PALLD: variants seen among roughly 807,000 people sequenced by gnomAD.
PALLD encodes the protein palladin.
A neutral mutation model predicts 123.5 loss-of-function variants in PALLD; 61 were observed. That is an observed-to-expected ratio of 0.49 (90% CI 0.40 to 0.61). The LOEUF (loss-of-function observed/expected upper bound fraction) is 0.61. PALLD is among the 20% of genes least tolerant of loss of function. The pLI, the probability that PALLD is intolerant of heterozygous loss-of-function variation, is 0.00. For synonymous variants in PALLD, 465 were observed against 496.4 expected, an observed-to-expected ratio of 0.94 and a Z score of 0.84; for missense variants, 1,273 against 1,377.0, an observed-to-expected ratio of 0.92 and a Z score of 1.20.
At position 168,511,996 on chromosome 4, in the gene PALLD, C is replaced by T. The variant is rs371888811; in HGVS notation, c.492C>T (p.Pro164=). Residue 164 remains proline (P), a synonymous_variant, in exon 2 of 22, where the codon CCC becomes CCT. Transcript: ENST00000505667. ...CGCCACATCAAAGAAAGGGTGGCCCCCAGAGCCAGCTGTGTGACAAGGCAG... is the reference window on the plus strand; with the variant it reads ...CGCCACATCAAAGAAAGGGTGGCCCTCAGAGCCAGCTGTGTGACAAGGCAG... ...PKTPHQRKGG[P]QSQLCDKAAN... The T allele has an allele frequency of 8.7e-6, 14 of 1,614,058 alleles. No homozygotes were observed. The highest frequency in any genetic ancestry group is 1.2e-5 in the Non-Finnish European group (14 of 1,180,044).
chr4:168,778,233 T>C (rs191783563), intron 10 of PALLD, among the ~76,000 whole-genome samples: 9 of 152,306 alleles, frequency 5.9e-5, no homozygotes, highest in Admixed American at 5.2e-4. Context: ...AGGATCTTTT[T>C]GTTTCTAGCT....
At chr4:168,594,177 C>T (rs1771742330) in intron 2 of PALLD, among the ~76,000 whole-genome samples, 1 of 151,730 alleles carries the variant, frequency 6.6e-6, no homozygotes, top group African/African-American at 2.4e-5. Context: ...GGAAAAAAAT[C>T]AAAATGAAAT....
chr4:168,878,167 AC>A (rs1290650163), intron 10 of PALLD: 2 of 852,484 alleles, frequency 2.3e-6, no homozygotes, highest in South Asian at 1.8e-5. Flanking sequence ...CGCCCCCGCC[AC>A]CCCCGGTCTT....
intron 10 of PALLD, among the ~76,000 whole-genome samples, chr4:168,730,686 T>A (rs948979520): frequency 6.6e-6 from 1 of 152,116 alleles, no homozygotes; most frequent in Non-Finnish European, 1.5e-5. Context: ...GTTAATCAGT[T>A]TCTCTAGAAA....
chr4:168,553,094 T>A (rs1478766084), intron 2 of PALLD, among the ~76,000 whole-genome samples: 1 of 152,150 alleles, frequency 6.6e-6, no homozygotes, highest in Non-Finnish European at 1.5e-5. Context: ...CATTGGCCCA[T>A]TTTAAAGATG....
At chr4:168,854,737 A>T (rs1395540233) in intron 10 of PALLD, among the ~76,000 whole-genome samples, 4 of 152,194 alleles carry the variant, frequency 2.6e-5, no homozygotes. Context: ...GAGTGCTATT[A>T]AAAAAGGACG....
chr4:168,620,403 T>G (rs954524345), intron 2 of PALLD, among the ~76,000 whole-genome samples: 2 of 152,114 alleles, frequency 1.3e-5, no homozygotes. Context: ...TGCAGTGAGC[T>G]GAGATCGCAC....
intron 10 of PALLD, among the ~76,000 whole-genome samples, chr4:168,738,516 C>T (rs1327815281): frequency 6.6e-6 from 1 of 151,220 alleles, no homozygotes; most frequent in Non-Finnish European, 1.5e-5. Context: ...CTGCAACCTC[C>T]GTCTCCCAGG....
intron 1 of PALLD, chr4:168,507,315 A>T (rs989766358): frequency 3.4e-5 from 6 of 177,812 alleles, no homozygotes; most frequent in Non-Finnish European, 2.4e-5. Flanking sequence ...CCTTTCTATC[A>T]TCTATCTTAT....
In PALLD at chr4:168,668,124, T is replaced by C. The variant is rs1055933037; in HGVS notation, c.909-66T>C. The C allele has an allele frequency of 2.4e-5, 31 of 1,296,982 alleles. No homozygotes were observed. In the African/African-American group the frequency reaches 3.6e-4, roughly 15 times the overall value. 80.3% of individuals were successfully genotyped at this position (1,296,982 alleles called of 1,614,324 possible). ...TAGCAACCAGCCTTCACTTCTGCTTTATTGTTTTAAACATCACCATTTCCT... is the reference window on the plus strand; with the variant it reads ...TAGCAACCAGCCTTCACTTCTGCTTCATTGTTTTAAACATCACCATTTCCT... On this transcript the variant is annotated intron_variant, in intron 2 of 21. Coordinates refer to ENST00000505667, the MANE Select transcript of PALLD (RefSeq NM_001166108.2).
chr4:168,827,255 A>G lies in PALLD; in HGVS notation c.1965-63667A>G, dbSNP rs116164561. ...ATGAATTTGTTTTCATGTTCAAAGT[A>G]TGAGTTGTCCTCGGAGGGGTGCCCT... On this transcript the variant is annotated intron_variant, in intron 10 of 21. Coordinates refer to ENST00000505667, the MANE Select transcript of PALLD (RefSeq NM_001166108.2). 3.8e-3 allele frequency among the ~76,000 whole-genome samples: 577 copies of G among 152,352 alleles called. 4 individuals are homozygous for G. The highest frequency in any genetic ancestry group is 0.013 in the African/African-American group (560 of 41,576).
At chr4:168,770,036 G>T (rs984240296) in intron 10 of PALLD, among the ~76,000 whole-genome samples, 1 of 152,172 alleles carries the variant, frequency 6.6e-6, no homozygotes, top group Non-Finnish European at 1.5e-5. Context: ...TGCTATCTCT[G>T]TAGGAGACAG....
At chr4:168,908,996 T>A (rs537425337) in intron 15 of PALLD, among the ~76,000 whole-genome samples, 208 of 152,312 alleles carry the variant, frequency 1.4e-3, no homozygotes, top group Non-Finnish European at 2.4e-3. Context: ...TCTAAACATA[T>A]ACTGGGCTGT....
chr4:168,898,833 T>C (rs554916596), intron 14 of PALLD, 119 bp downstream of exon 14: 3 of 750,990 alleles, frequency 4.0e-6, no homozygotes, highest in African/African-American at 3.5e-5. Context: ...ACCCACGATA[T>C]AAAGGGTTTT....
chr4:168,633,504 G>A (rs1000455697), intron 2 of PALLD, among the ~76,000 whole-genome samples: 2 of 152,106 alleles, frequency 1.3e-5, no homozygotes, highest in African/African-American at 4.8e-5. Context: ...ATTTTTCATT[G>A]TTCCTTTAGG....
intron 10 of PALLD, among the ~76,000 whole-genome samples, chr4:168,766,655 G>A (rs1054015162): frequency 1.3e-5 from 2 of 152,240 alleles, no homozygotes; most frequent in Non-Finnish European, 2.9e-5. Context: ...ATAGGATTGG[G>A]AGGCATGGGA....
At chr4:168,837,506 G>T (rs552156820) in intron 10 of PALLD, among the ~76,000 whole-genome samples, 1 of 152,168 alleles carries the variant, frequency 6.6e-6, no homozygotes, top group African/African-American at 2.4e-5. Context: ...ATACACTCAA[G>T]GTAAACCTGG....
intron 2 of PALLD, among the ~76,000 whole-genome samples, chr4:168,530,999 C>A (rs1179230416): frequency 6.6e-6 from 1 of 152,194 alleles, no homozygotes. Flanking sequence ...AGAATCCAGT[C>A]TCTGGAAGAA....
At chr4:168,671,841 CCTAT>C (rs746611071) in intron 3 of PALLD, among the ~76,000 whole-genome samples, 6 of 152,270 alleles carry the variant, frequency 3.9e-5, no homozygotes, top group Admixed American at 1.3e-4. Context: ...TCGTTGGCAG[CCTAT>C]CTATCAGAGG....
Sources: gnomAD v4.1 joint callset for allele counts (sites outside exome capture counted in the v4.1 genomes callset) on GRCh38, gnomAD v4.1.1 for gene constraint, MANE v1.5 for transcripts, NCBI Gene and HGNC (gene_info 2026-07-23, HGNC 2026-07-21) for gene names.